ZNF366: variants seen among roughly 807,000 people sequenced by gnomAD.
ZNF366 encodes zinc finger protein 366.
A neutral mutation model predicts 47.2 loss-of-function variants in ZNF366; 20 were observed. That is an observed-to-expected ratio of 0.42 (90% confidence interval 0.30 to 0.62). The LOEUF (loss-of-function observed/expected upper bound fraction) is 0.62, where lower values mean the gene tolerates loss of function less well. Among genes scored for constraint, ZNF366 ranks in the 20% least tolerant of loss-of-function variants. The pLI is 0.16. For missense variants in ZNF366, 987 were observed against 976.3 expected, an observed-to-expected ratio of 1.01 and a Z score of -0.15; for synonymous variants, 421 against 395.1, an observed-to-expected ratio of 1.07 and a Z score of -0.78.
Position 72,460,709 on chromosome 5 carries a change from G to A in ZNF366, c.788C>T (p.Thr263Ile). ...WQCPTCEKSYTSKYNLVTHIL... is the reference protein window; with the variant it reads ...WQCPTCEKSYISKYNLVTHIL... ...GTGGGTGACCAGGTTGTACTTGGAG[G>A]TGTAGGACTTCTCGCAGGTGGGGCA... Residue 263 changes from threonine to isoleucine, a missense_variant, in exon 2 of 5, where the codon ACC (threonine) becomes ATC (isoleucine). By Grantham distance (89) the Thr-to-Ile change is moderately conservative (BLOSUM62 -1). Coordinates refer to ENST00000318442, the MANE Select transcript of ZNF366 (RefSeq NM_152625.3). 6.2e-7 allele frequency: 1 copy of A among 1,614,240 alleles called. No individual in the cohort carries two copies.
chr5:72,504,329 G>T (rs1176977103), intron 1 of ZNF366, among the ~76,000 whole-genome samples: 1 of 152,032 alleles, frequency 6.6e-6, no homozygotes, highest in Non-Finnish European at 1.5e-5. Flanking sequence ...CCAGGGAAAA[G>T]GTCACCAATA....
intron 1 of ZNF366, among the ~76,000 whole-genome samples, chr5:72,488,031 C>A (rs1261646747): frequency 1.3e-5 from 2 of 151,950 alleles, no homozygotes; most frequent in Non-Finnish European, 2.9e-5. Context: ...CATGGTAAAA[C>A]CCCCTCCCTA....
chr5:72,448,383 C>T (rs1743000694), intron 3 of ZNF366, among the ~76,000 whole-genome samples: 4 of 152,178 alleles, frequency 2.6e-5, no homozygotes, highest in Admixed American at 2.6e-4. Flanking sequence ...GCAGAACTTT[C>T]TTCTCACAGG....
At chr5:72,501,935 A>G (rs1479889688) in intron 1 of ZNF366, among the ~76,000 whole-genome samples, 1 of 152,234 alleles carries the variant, frequency 6.6e-6, no homozygotes, top group Admixed American at 6.5e-5. Flanking sequence ...CCCCATGCAC[A>G]CAACAGCAGA....
intron 3 of ZNF366, among the ~76,000 whole-genome samples, chr5:72,449,959 G>T (rs944009371): frequency 6.6e-6 from 1 of 152,142 alleles, no homozygotes; most frequent in African/African-American, 2.4e-5. Flanking sequence ...GGGGTCTGGT[G>T]GTCCTATAGG....
chr5:72,458,341 C>T (rs1180172683), intron 2 of ZNF366, among the ~76,000 whole-genome samples: 4 of 152,180 alleles, frequency 2.6e-5, no homozygotes, highest in African/African-American at 7.2e-5. Context: ...TCAAGATTTT[C>T]TCTGGGCTTG....
chr5:72,456,311 C>T, intron 3 of ZNF366, 93 bp downstream of exon 3: 3 of 1,406,290 alleles, frequency 2.1e-6, no homozygotes, highest in Non-Finnish European at 2.9e-6. Context: ...CCCCGTAGCC[C>T]CACTGATGAA....
At position 72,460,632 on chromosome 5, in the gene ZNF366, G is replaced by A. The variant is rs1304344122; in HGVS notation, c.865C>T (p.Leu289Phe). The A allele has an allele frequency of 6.2e-6, 10 of 1,614,206 alleles. No homozygotes were observed. Among genetic ancestry groups the A allele is most frequent in the Non-Finnish European group, 8.5e-6 (10 of 1,180,042 alleles). Residue 289 changes from leucine (L) to phenylalanine (F), a missense_variant, in exon 2 of 5, where the codon CTC becomes TTC. Around this residue, in one of 3 missense-constraint regions of ZNF366, gnomAD observed 591 missense variants for 560.9 expected, o/e 1.05. Transcript: ENST00000318442. ...KPHACTHCGK[L>F]FKQLSHLHTH... ...TGCAGGTGGCTGAGCTGCTTGAAGA[G>A]CTTCCCGCAGTGCGTGCACGCGTGC...
chr5:72,506,449 C>T (rs755197174), intron 1 of ZNF366, among the ~76,000 whole-genome samples: 44 of 152,152 alleles, frequency 2.9e-4, no homozygotes, highest in Non-Finnish European at 5.3e-4. Flanking sequence ...CTATTTGGTG[C>T]TTGGAAAACC....
At chr5:72,470,852 A>G (rs145479920) in intron 1 of ZNF366, among the ~76,000 whole-genome samples, 2 of 152,248 alleles carry the variant, frequency 1.3e-5, no homozygotes, top group African/African-American at 4.8e-5. Context: ...AGTGCTCCTC[A>G]GAATGGATGG....
chr5:72,503,542 C>G (rs919226071), intron 1 of ZNF366, among the ~76,000 whole-genome samples: 1 of 152,038 alleles, frequency 6.6e-6, no homozygotes, highest in Non-Finnish European at 1.5e-5. Flanking sequence ...CACACACACA[C>G]ACACACACAC....
At chr5:72,479,267 A>G (rs143533003) in intron 1 of ZNF366, among the ~76,000 whole-genome samples, 137 of 152,322 alleles carry the variant, frequency 9.0e-4, no homozygotes, top group African/African-American at 3.2e-3. Context: ...TGATTGTACA[A>G]GAAAACAAAT....
At chr5:72,479,806 AAC>A (rs1240949134) in intron 1 of ZNF366, among the ~76,000 whole-genome samples, 1 of 152,226 alleles carries the variant, frequency 6.6e-6, no homozygotes, top group Non-Finnish European at 1.5e-5. Context: ...TCTCTATATA[AAC>A]ACACACCTGC....
intron 2 of ZNF366, among the ~76,000 whole-genome samples, chr5:72,457,347 G>A (rs980248203): frequency 5.9e-5 from 9 of 152,116 alleles, no homozygotes; most frequent in African/African-American, 1.2e-4. Context: ...AGCTTGAGCC[G>A]GGCATTCACT....
chr5:72,466,178 C>T (rs1398620122), intron 1 of ZNF366, among the ~76,000 whole-genome samples: 5 of 152,092 alleles, frequency 3.3e-5, no homozygotes, highest in African/African-American at 1.2e-4. Context: ...GTCACAGCAG[C>T]GAAGGTGAAC....
At chr5:72,454,253 T>TCGTTCATGA (rs1414065344) in intron 3 of ZNF366, among the ~76,000 whole-genome samples, 1 of 152,202 alleles carries the variant, frequency 6.6e-6, no homozygotes, top group Non-Finnish European at 1.5e-5. Flanking sequence ...GAAGGAGCCA[T>TCGTTCATGA]CGTTCATGAA....
At chr5:72,493,882 G>A (rs1443109852) in intron 1 of ZNF366, among the ~76,000 whole-genome samples, 1 of 140,752 alleles carries the variant, frequency 7.1e-6, no homozygotes, top group African/African-American at 2.6e-5. Flanking sequence ...AGCCTCCCAA[G>A]TAGTTGGGAT....
chr5:72,450,256 G>A (rs1743040133), intron 3 of ZNF366, among the ~76,000 whole-genome samples: 2 of 152,192 alleles, frequency 1.3e-5, no homozygotes, highest in South Asian at 4.1e-4. Flanking sequence ...TCAAATTCTT[G>A]TTGCTGCCAC....
chr5:72,506,199 A>T lies in ZNF366; in HGVS notation c.-15+1052T>A, dbSNP rs180813706. 3.3e-3 allele frequency among the ~76,000 whole-genome samples: 501 copies of T among 152,364 alleles called. 2 individuals are homozygous for T. The highest frequency in any genetic ancestry group is 0.012 in the African/African-American group (481 of 41,594). ...ATAGCAGTGAATATTTTTAAAAAGT[A>T]TGCTTGGCCATTGGCTTTTACCCAT... On this transcript the variant is annotated intron_variant, in intron 1 of 4. Transcript: ENST00000318442.
Sources: allele counts gnomAD v4.1 joint callset (sites outside exome capture counted in the v4.1 genomes callset), GRCh38; gene constraint gnomAD v4.1.1; regional missense constraint gnomAD v4.1.1; transcripts MANE v1.5; gene names NCBI Gene and HGNC (gene_info 2026-07-23, HGNC 2026-07-21).